The following SLC66A2 variants were observed in gnomAD, a reference collection of about 807,000 sequenced individuals.
SLC66A2 encodes the protein PQ loop repeat containing 1.
In SLC66A2, 23 loss-of-function variants were observed where a neutral mutation model predicts 25.5. That is an observed-to-expected ratio of 0.90 (90% confidence interval 0.65 to 1.28). SLC66A2 has a LOEUF of 1.28. Among genes scored for constraint, SLC66A2 ranks in the 50% most tolerant of loss-of-function variants. The pLI, the probability that SLC66A2 is intolerant of heterozygous loss-of-function variation, is 0.00. For missense variants in SLC66A2, 396 were observed against 373.1 expected, an observed-to-expected ratio of 1.06 and a Z score of -0.51; for synonymous variants, 193 against 166.5, an observed-to-expected ratio of 1.16 and a Z score of -1.23.
chr18:79,911,051 G>A (rs1568294900), intron 5 of SLC66A2, among the ~76,000 whole-genome samples: 1 of 152,268 alleles, frequency 6.6e-6, no homozygotes, highest in Non-Finnish European at 1.5e-5. Context: ...CTCAGGTGGG[G>A]ACAAGTGGGA....
chr18:79,948,106 C>T (rs2050994880), intron 2 of SLC66A2, among the ~76,000 whole-genome samples: 1 of 152,226 alleles, frequency 6.6e-6, no homozygotes, highest in Non-Finnish European at 1.5e-5. Flanking sequence ...ATGACCAGGA[C>T]AGCCCAGGAT....
intron 4 of SLC66A2, among the ~76,000 whole-genome samples, chr18:79,920,149 G>GA (rs1984918614): frequency 1.8e-5 from 1 of 56,958 alleles, no homozygotes; most frequent in Non-Finnish European, 3.3e-5. Context: ...GTCAGGGTCA[G>GA]TGAGGAGAGA....
At chr18:79,948,249 C>G (rs1315769870) in intron 2 of SLC66A2, among the ~76,000 whole-genome samples, 1 of 152,244 alleles carries the variant, frequency 6.6e-6, no homozygotes, top group African/African-American at 2.4e-5. Flanking sequence ...CTTCAAACCT[C>G]TACGTCAGTG....
rs1477440602 is a variant in SLC66A2 at position 79,918,980 on chromosome 18, C to A, written c.608+204G>T. Among the ~76,000 whole-genome samples, 1 of 152,270 alleles carries A rather than the reference C, an allele frequency of 6.6e-6. No homozygotes were observed. The highest frequency in any genetic ancestry group is 1.5e-5 in the Non-Finnish European group (1 of 68,046). On this transcript the variant is annotated intron_variant, in intron 5 of 5. Transcript: ENST00000397778. The surrounding 1 kb of genome is among the most constrained non-coding windows in gnomAD (Gnocchi z 4.0). Reference sequence around the variant, plus strand: ...ACCCCGTGCTGGGTCTCGGCTGCCCCTCATGCGGCCCACACAAGCTCATCT... The same window carrying A: ...ACCCCGTGCTGGGTCTCGGCTGCCCATCATGCGGCCCACACAAGCTCATCT...
chr18:79,938,962 CGCTGCGACCGGCCAGAA>C (rs1987387274), intron 3 of SLC66A2, among the ~76,000 whole-genome samples: 1 of 152,240 alleles, frequency 6.6e-6, no homozygotes, highest in Non-Finnish European at 1.5e-5. Context: ...AGGCATGAGC[CGCTGCGACCGGCCAGAA>C]GCTGTTTTAC....
At chr18:79,906,492 A>G (rs1046101112) in intron 5 of SLC66A2, among the ~76,000 whole-genome samples, 1 of 152,232 alleles carries the variant, frequency 6.6e-6, no homozygotes, top group Non-Finnish European at 1.5e-5. Context: ...CAGATTGTTT[A>G]AAGGTGTGTT....
intron 5 of SLC66A2, among the ~76,000 whole-genome samples, chr18:79,906,747 A>G (rs1489305001): frequency 6.6e-5 from 10 of 152,158 alleles, no homozygotes; most frequent in Admixed American, 6.5e-4. Context: ...TGCTTTTTCT[A>G]TCAGTTACTG....
Position 79,921,853 on chromosome 18 carries a change from G to T in SLC66A2, c.392-2453C>A, listed in dbSNP as rs376769707. 9.3e-3 allele frequency among the ~76,000 whole-genome samples: 54 copies of T among 5,788 alleles called. 12 individuals carry two copies. Among genetic ancestry groups the T allele is most frequent in the South Asian group, 0.5 (2 of 4 alleles). 3.8% of individuals were successfully genotyped at this position (5,788 alleles called of 152,430 possible). A position where few individuals can be genotyped will look rare whatever the true frequency, so the allele number is the denominator to read the frequency against. ...CAGAGGAGGAGAGACAGGAACCGAG[G>T]GAGAGGTCAAGGTCAGTGAGGAGAG... On this transcript the variant is annotated intron_variant, in intron 4 of 5. Transcript: ENST00000397778.
chr18:79,923,839 G>A (rs1985587937), intron 4 of SLC66A2, among the ~76,000 whole-genome samples: 1 of 152,166 alleles, frequency 6.6e-6, no homozygotes, highest in South Asian at 2.1e-4. Flanking sequence ...CTTGAGTCCA[G>A]GAGGTCTTGA....
At chr18:79,925,134 A>T (rs1156854125) in intron 4 of SLC66A2, 1 of 152,238 alleles carries the variant, frequency 6.6e-6, no homozygotes, top group African/African-American at 2.4e-5. Context: ...TTTTTAAATC[A>T]GCAAATAAGA....
chr18:79,940,492 T>TAAAAA lies in SLC66A2; in HGVS notation c.337+2832_337+2836dup, dbSNP rs925300814. Among the ~76,000 whole-genome samples the TAAAAA allele has an allele frequency of 6.9e-6, 1 of 145,216 alleles. No homozygotes were observed. The highest frequency in any genetic ancestry group is 1.5e-5 in the Non-Finnish European group (1 of 65,680). ...GCACATGTACCTGAACTTAAAAGCT[T>TAAAAA]AAAAAAAAAAACAGAACATGTTCAG... On this transcript the variant is annotated intron_variant, in intron 3 of 5. Transcript: ENST00000397778. This position sits in a 1 kb window ranked among gnomAD's most constrained non-coding sequence, Gnocchi z 4.1.
In SLC66A2 at chr18:79,918,521, G is replaced by C. The variant is rs1403470086; in HGVS notation, c.608+663C>G. On this transcript the variant is annotated intron_variant, in intron 5 of 5. Coordinates refer to ENST00000397778, the MANE Select transcript of SLC66A2 (RefSeq NM_025078.5). The surrounding 1 kb of genome is among the most constrained non-coding windows in gnomAD (Gnocchi z 4.0). Reference sequence around the variant, plus strand: ...AGGAGCGGGCCTGGGGGTCGAAAGTGTGAGGGACTAGAGTTTTCTGCCCCC... The same window carrying C: ...AGGAGCGGGCCTGGGGGTCGAAAGTCTGAGGGACTAGAGTTTTCTGCCCCC... Among the ~76,000 whole-genome samples the C allele has an allele frequency of 1.3e-5, 2 of 151,786 alleles. No individual in the cohort carries two copies. The highest frequency in any genetic ancestry group is 1.3e-4 in the Admixed American group (2 of 15,260).
In SLC66A2 at chr18:79,950,978, C is replaced by T. The variant is rs562674735; in HGVS notation, c.-52G>A. 38 of 1,383,012 alleles carry T rather than the reference C, an allele frequency of 2.7e-5. 1 individual carries two copies. In the East Asian group the frequency reaches 1.0e-3, roughly 37 times the overall value. The allele number at this position is 1,383,012 out of a possible 1,614,324, so 85.7% of individuals were successfully genotyped here. ...CACGGGCTCCGCGCCCCGCGGGCCA[C>T]CGGCCGCCTGCTCATCGCCGCTCCG... On this transcript the variant is annotated 5_prime_UTR_variant, in exon 2 of 6. The change creates a new upstream start codon in the 5' untranslated region. Coordinates refer to ENST00000397778, the MANE Select transcript of SLC66A2 (RefSeq NM_025078.5).
chr18:79,926,250 T>C (rs1359856497), intron 4 of SLC66A2, among the ~76,000 whole-genome samples: 1 of 152,230 alleles, frequency 6.6e-6, no homozygotes, highest in Non-Finnish European at 1.5e-5. Context: ...ATTCCTTTAC[T>C]TCCCTAATAA....
intron 5 of SLC66A2, among the ~76,000 whole-genome samples, chr18:79,913,611 G>A (rs1033874002): frequency 2.9e-4 from 44 of 152,236 alleles, no homozygotes; most frequent in African/African-American, 9.6e-4. Context: ...ATGCGCGCAC[G>A]CGCGCATGGA....
intron 2 of SLC66A2, among the ~76,000 whole-genome samples, chr18:79,948,914 A>C (rs1046306593): frequency 1.3e-5 from 2 of 152,160 alleles, no homozygotes; most frequent in African/African-American, 2.4e-5. Context: ...TTAGAAACCT[A>C]CTTCCAGTCA....
rs1412010572 is a variant in SLC66A2, at chr18:79,951,037, G to C, written c.-99-12C>G. ...TGCGGCCTCGGGGCCTGCGGGGAGC[G>C]GGGAGCTGCTCGAGTTCCGCCCAGG... On this transcript the variant is annotated splice_polypyrimidine_tract_variant and intron_variant, in intron 1 of 5. Transcript: ENST00000397778. 1 of 789,306 alleles carries C rather than the reference G, an allele frequency of 1.3e-6. No individual in the cohort carries two copies. The highest frequency in any genetic ancestry group is 1.8e-6 in the Non-Finnish European group (1 of 569,752). 48.9% of individuals were successfully genotyped at this position (789,306 alleles called of 1,614,324 possible). A position where few individuals can be genotyped will look rare whatever the true frequency, so the allele number is the denominator to read the frequency against.
rs755410098 is a variant in SLC66A2, at chr18:79,919,378, C to A, written c.414G>T (p.Trp138Cys). 1.9e-6 allele frequency: 3 copies of A among 1,613,038 alleles called. No individual in the cohort carries two copies. In the South Asian group the frequency reaches 3.3e-5, roughly 18 times the overall value. ...SFLDFDPHHF[W>C]QWSSFSDYVQ... Reference sequence around the variant, plus strand: ...CGTAGTCCGAGAAGCTGCTCCACTGCCAGAAGTGGTGGGGGTCGAAGTCTA... The same window carrying A: ...CGTAGTCCGAGAAGCTGCTCCACTGACAGAAGTGGTGGGGGTCGAAGTCTA... The change falls in exon 5 of 6, where the codon TGG becomes TGT. Residue 138 changes from tryptophan to cysteine, a missense_variant. Physicochemically the swap from Trp to Cys is radical, Grantham distance 215. Transcript: ENST00000397778.
chr18:79,947,600 C>CCCA, intron 2 of SLC66A2, among the ~76,000 whole-genome samples: 11 of 150,826 alleles, frequency 7.3e-5, no homozygotes, highest in African/African-American at 2.7e-4. Flanking sequence ...TGCTCTCTGC[C>CCCA]CCCACCCCAG....
Sources: allele counts gnomAD v4.1 joint callset (sites outside exome capture counted in the v4.1 genomes callset), GRCh38; gene constraint gnomAD v4.1.1; non-coding constraint Gnocchi (gnomAD v3.1); transcripts MANE v1.5; gene names NCBI Gene and HGNC (gene_info 2026-07-23, HGNC 2026-07-21).